FAM120AOS: variants seen among roughly 807,000 people sequenced by gnomAD.
FAM120AOS encodes uncharacterized protein FAM120AOS.
Under a neutral mutation model 20.2 loss-of-function variants are expected in FAM120AOS, and 15 were observed. That is an observed-to-expected ratio of 0.74 (90% CI 0.50 to 1.15). The LOEUF is 1.15. Among genes scored for constraint, FAM120AOS ranks in the 50% most tolerant of loss-of-function variants. The pLI, the probability that FAM120AOS is intolerant of heterozygous loss-of-function variation, is 0.00. For missense variants in FAM120AOS, 327 were observed against 351.9 expected (o/e 0.93, Z 0.57); for synonymous variants, 154 against 154.0 (o/e 1.00, Z 0.00).
intron 1 of FAM120AOS, chr9:93,451,673 C>G (rs1857211845): frequency 2.0e-6 from 2 of 978,394 alleles, no homozygotes; most frequent in Non-Finnish European, 2.4e-6. Flanking sequence ...GGCCCTCAGC[C>G]TCGGCCTCGG....
intron 2 of FAM120AOS, 115 bp downstream of exon 2, chr9:93,450,364 G>T (rs1857075930): frequency 2.1e-6 from 3 of 1,442,728 alleles, no homozygotes; most frequent in South Asian, 3.0e-5. Flanking sequence ...TAACTTGTCA[G>T]CCTGCTTTTA....
At position 93,452,272 on chromosome 9, in the gene FAM120AOS, A is replaced by T. The variant is rs1312929576; in HGVS notation, c.438T>A (p.Cys146Ter). ...GGCAGGGCAACGAGCGCCAGACGGC[A>T]CAGCAGATCGTCAGCCATGTCCAGA... ...PLFWTWLTIC[C>*]AVWRSLPCRL... The change falls in exon 1 of 3, where the codon TGT becomes TGA. Residue 146 changes from cysteine to a stop codon, truncating the protein, a stop_gained. Transcript: ENST00000375412. LOFTEE classifies it high-confidence loss of function. The surrounding 1 kb of genome is among the most constrained non-coding windows in gnomAD (Gnocchi z 7.0). 9 of 1,612,460 alleles carry T rather than the reference A, an allele frequency of 5.6e-6. No individual in the cohort carries two copies. Among genetic ancestry groups the T allele is most frequent in the Non-Finnish European group, 7.6e-6 (9 of 1,179,806 alleles).
intron 1 of FAM120AOS, chr9:93,451,062 G>C (rs1202095212): frequency 6.4e-7 from 1 of 1,550,622 alleles, no homozygotes; most frequent in Non-Finnish European, 8.7e-7. Context: ...CCACAACCGA[G>C]AGCCCGAAGC....
intron 2 of FAM120AOS, among the ~76,000 whole-genome samples, chr9:93,449,981 C>T (rs1046750127): frequency 6.6e-6 from 1 of 151,994 alleles, no homozygotes; most frequent in Non-Finnish European, 1.5e-5. Context: ...TGTATTATTT[C>T]TTTTATTTAT....
At chr9:93,451,705 A>G (rs1857217004) in intron 1 of FAM120AOS, 5 of 970,514 alleles carry the variant, frequency 5.2e-6, no homozygotes, top group Admixed American at 1.4e-4. Context: ...CAGCGGCGGC[A>G]GCGGCGGCGG....
At chr9:93,448,244 T>G (rs1156453456) in intron 2 of FAM120AOS, 1 of 153,770 alleles carries the variant, frequency 6.5e-6, no homozygotes, top group African/African-American at 2.4e-5. Context: ...CTGTAATCCC[T>G]GCACTTTGGG....
chr9:93,450,643 G>T (rs1300803617), intron 1 of FAM120AOS, 44 bp from the exon 2 acceptor site: 2 of 1,607,000 alleles, frequency 1.2e-6, no homozygotes, highest in African/African-American at 2.7e-5. Flanking sequence ...AAGTAAAAGC[G>T]GCACTTTAAA....
In FAM120AOS at chr9:93,444,476, T is replaced by C. The variant is rs1856785115; in HGVS notation, c.*3135A>G. 6.6e-6 allele frequency among the ~76,000 whole-genome samples: 1 copy of C among 152,210 alleles called. No individual in the cohort carries two copies. Among genetic ancestry groups the C allele is most frequent in the Non-Finnish European group, 1.5e-5 (1 of 68,034 alleles). On this transcript the variant is annotated 3_prime_UTR_variant, in exon 3 of 3. Coordinates refer to ENST00000375412, the MANE Select transcript of FAM120AOS (RefSeq NM_198841.4). ...GTTTTAAGAAAGTTCCAGACTGTTT[T>C]CCCATCAGCTGTGTATGAGGGTTCC...
At chr9:93,450,880 A>T in intron 1 of FAM120AOS, 2 of 951,526 alleles carry the variant, frequency 2.1e-6, no homozygotes, top group Non-Finnish European at 3.3e-6. Flanking sequence ...ATCCACTGCA[A>T]AGGCGCACGT....
At chr9:93,451,388 G>A in intron 1 of FAM120AOS, 1 of 1,396,154 alleles carries the variant, frequency 7.2e-7, no homozygotes, top group East Asian at 2.7e-5. Flanking sequence ...GGCCTCTCTG[G>A]CCCTGCCGGG....
At chr9:93,451,639 A>AGCGCCGCCCGCCC in intron 1 of FAM120AOS, 1 of 980,666 alleles carries the variant, frequency 1.0e-6, no homozygotes, top group Non-Finnish European at 1.2e-6. Context: ...CCGCTACGTC[A>AGCGCCGCCCGCCC]GCGCCGCCCG....
chr9:93,450,412 T>C, intron 2 of FAM120AOS, 67 bp downstream of exon 2: 2 of 1,507,330 alleles, frequency 1.3e-6, no homozygotes, highest in Admixed American at 2.3e-5. Flanking sequence ...ATTTAATTTA[T>C]GTACGTATGA....
At chr9:93,449,056 A>G (rs1856972840) in intron 2 of FAM120AOS, among the ~76,000 whole-genome samples, 1 of 135,040 alleles carries the variant, frequency 7.4e-6, no homozygotes, top group African/African-American at 2.8e-5. Context: ...CTCAATAAAT[A>G]AAGTTTTTTT....
chr9:93,447,891 G>T (rs985871301), intron 2 of FAM120AOS, among the ~76,000 whole-genome samples, 194 bp from the exon 3 acceptor site: 1 of 152,222 alleles, frequency 6.6e-6, no homozygotes, highest in Non-Finnish European at 1.5e-5. Flanking sequence ...CGGCTGCAGT[G>T]TGGTCAGTTA....
chr9:93,453,554 C>T lies in FAM120AOS; in HGVS notation c.-845G>A, dbSNP rs571395055. On this transcript the variant is annotated 5_prime_UTR_variant, in exon 1 of 3. Transcript: ENST00000375412. Reference sequence around the variant, plus strand: ...CTGTCTTCGCGGTTGCCCCCACTGCCCGCGAGGAGATGGTGGTAGTTAAGC... The same window carrying T: ...CTGTCTTCGCGGTTGCCCCCACTGCTCGCGAGGAGATGGTGGTAGTTAAGC... 3.0e-6 allele frequency: 3 copies of T among 985,402 alleles called. No individual in the cohort carries two copies. Among genetic ancestry groups the T allele is most frequent in the South Asian group, 9.4e-5 (2 of 21,282 alleles). The allele number at this position is 985,402 out of a possible 1,614,324, so 61.0% of individuals were successfully genotyped here. A position where few individuals can be genotyped will look rare whatever the true frequency, so the allele number is the denominator to read the frequency against.
chr9:93,451,149 G>C, intron 1 of FAM120AOS: 1 of 1,550,474 alleles, frequency 6.4e-7, no homozygotes, highest in Non-Finnish European at 8.7e-7. Flanking sequence ...GGCGCGGCCG[G>C]CCAGCATCCC....
Position 93,444,431 on chromosome 9 carries a change from G to A in FAM120AOS, c.*3180C>T, listed in dbSNP as rs555558623. On this transcript the variant is annotated 3_prime_UTR_variant, in exon 3 of 3. Transcript: ENST00000375412. ...TTATAGCCACACTTTCTAGCTTGCCGGGCCCCCATTTACCAGAATGTTTTA... is the reference window on the plus strand; with the variant it reads ...TTATAGCCACACTTTCTAGCTTGCCAGGCCCCCATTTACCAGAATGTTTTA... 6.6e-4 allele frequency among the ~76,000 whole-genome samples: 100 copies of A among 152,226 alleles called. No homozygotes were observed. The highest frequency in any genetic ancestry group is 2.3e-3 in the African/African-American group (95 of 41,532).
Position 93,445,217 on chromosome 9 carries a change from T to C in FAM120AOS, c.*2394A>G, listed in dbSNP as rs1856806949. On this transcript the variant is annotated 3_prime_UTR_variant, in exon 3 of 3. Transcript: ENST00000375412. ...TTATTTGGGGATATTCAGCATTCCT[T>C]TTCCCTTCCTAAAGGTACTCAGGTT... is the stretch of plus-strand genomic sequence containing the variant. Among the ~76,000 whole-genome samples the C allele has an allele frequency of 6.6e-6, 1 of 152,164 alleles. No individual in the cohort carries two copies. The highest frequency in any genetic ancestry group is 1.5e-5 in the Non-Finnish European group (1 of 68,028).
chr9:93,449,996 T>C (rs1413564722), intron 2 of FAM120AOS, among the ~76,000 whole-genome samples: 1 of 152,162 alleles, frequency 6.6e-6, no homozygotes. Context: ...ATTTATTTAT[T>C]TATTTTTGAG....
Sources: gnomAD v4.1 joint callset for allele counts (sites outside exome capture counted in the v4.1 genomes callset) on GRCh38, gnomAD v4.1.1 for gene constraint, Gnocchi (gnomAD v3.1) non-coding constraint, MANE v1.5 for transcripts, NCBI Gene and HGNC (gene_info 2026-07-23, HGNC 2026-07-21) for gene names.